Variants in STOX2 observed in about 807,000 individuals in gnomAD.
STOX2 encodes the protein storkhead-box protein 2.
In STOX2, 28 loss-of-function variants were observed where a neutral mutation model predicts 60.9. The ratio of observed to expected loss-of-function variants is 0.46; its 90% confidence interval spans 0.34 to 0.63. The LOEUF (loss-of-function observed/expected upper bound fraction) is 0.63. Ranked by LOEUF, STOX2 falls within the 30% of genes least tolerant of loss-of-function variation. STOX2 has a pLI of 0.01. For missense variants in STOX2, 1,024 were observed against 1,187.7 expected, an observed-to-expected ratio of 0.86 and a Z score of 2.03; for synonymous variants, 472 against 463.9, an observed-to-expected ratio of 1.02 and a Z score of -0.22.
At chr4:183,955,209 C>T (rs997137228) in intron 1 of STOX2, among the ~76,000 whole-genome samples, 2 of 152,176 alleles carry the variant, frequency 1.3e-5, no homozygotes, top group Non-Finnish European at 2.9e-5. Flanking sequence ...TCCGCATGTA[C>T]AAGAACTTAC....
intron 1 of STOX2, among the ~76,000 whole-genome samples, chr4:183,993,080 G>A (rs1424232349): frequency 6.6e-6 from 1 of 152,242 alleles, no homozygotes; most frequent in African/African-American, 2.4e-5. Flanking sequence ...ACCTCTGGCG[G>A]TGGGGAAGGT....
rs886505387 is a variant in STOX2, at chr4:183,849,242, G to A, written c.364+51187G>A. On this transcript the variant is annotated intron_variant, in intron 1 of 2. Transcript: ENST00000513034. ...TATTTAGGGTTGGAGGCAGGCTGGAGTTGGGGAATTAGGAGCTCTTTGACT... is the reference window on the plus strand; with the variant it reads ...TATTTAGGGTTGGAGGCAGGCTGGAATTGGGGAATTAGGAGCTCTTTGACT... 3.9e-5 allele frequency among the ~76,000 whole-genome samples: 6 copies of A among 152,206 alleles called. 1 individual carries two copies. Among genetic ancestry groups the A allele is most frequent in the Non-Finnish European group, 8.8e-5 (6 of 68,036 alleles).
chr4:183,828,900 A>G (rs956112466), intron 1 of STOX2, among the ~76,000 whole-genome samples: 1 of 152,194 alleles, frequency 6.6e-6, no homozygotes, highest in African/African-American at 2.4e-5. Context: ...GGTACCTTGT[A>G]AAAAACCTAC....
chr4:183,941,891 C>G (rs772450274), intron 1 of STOX2, among the ~76,000 whole-genome samples: 3 of 152,126 alleles, frequency 2.0e-5, no homozygotes, highest in Non-Finnish European at 2.9e-5. Context: ...TAATGATTCT[C>G]TTATTGACAT....
Position 184,017,165 on chromosome 4 carries a change from G to T in STOX2, c.2662G>T (p.Ala888Ser). The change falls in exon 4 of 4, where the codon GCC (alanine) becomes TCC (serine). Residue 888 changes from alanine to serine, a missense_variant. By Grantham distance (99) the Ala-to-Ser change is moderately conservative (BLOSUM62 1). Transcript: ENST00000308497. ...NRRQNPALSP[A>S]HGGAGPAFNF... is the part of the protein sequence containing the mutation. ...TCGTCAGAACCCCGCTTTGAGCCCGGCCCATGGTGGAGCTGGTCCAGCCTT... is the reference window on the plus strand; with the variant it reads ...TCGTCAGAACCCCGCTTTGAGCCCGTCCCATGGTGGAGCTGGTCCAGCCTT... The T allele has an allele frequency of 6.2e-7, 1 of 1,613,676 alleles. No individual in the cohort carries two copies. Among genetic ancestry groups the T allele is most frequent in the Non-Finnish European group, 8.5e-7 (1 of 1,179,766 alleles).
intron 1 of STOX2, among the ~76,000 whole-genome samples, chr4:183,837,325 C>A (rs7688581): frequency 0.016 from 2,465 of 152,246 alleles, 55 homozygotes; most frequent in African/African-American, 0.056. Context: ...GAACTCCCAT[C>A]CCCTGGCACC....
chr4:183,896,264 G>A (rs765513638), intron 1 of STOX2, among the ~76,000 whole-genome samples: 2 of 152,210 alleles, frequency 1.3e-5, no homozygotes, highest in Non-Finnish European at 2.9e-5. Flanking sequence ...AAATGTGTCT[G>A]GTGGCAGTGA....
chr4:184,006,400 G>C (rs568896818), intron 2 of STOX2, among the ~76,000 whole-genome samples: 3 of 152,166 alleles, frequency 2.0e-5, no homozygotes, highest in Admixed American at 1.3e-4. Context: ...GCAGAGGTGT[G>C]CCCTCATCTC....
intron 1 of STOX2, among the ~76,000 whole-genome samples, chr4:183,886,356 G>A (rs200022792): frequency 1.3e-5 from 2 of 150,942 alleles, no homozygotes; most frequent in East Asian, 2.0e-4. Flanking sequence ...AAAGGGGGGG[G>A]AATGAGGAAA....
At chr4:183,910,982 T>A (rs1741762233) in intron 1 of STOX2, among the ~76,000 whole-genome samples, 1 of 152,170 alleles carries the variant, frequency 6.6e-6, no homozygotes, top group Non-Finnish European at 1.5e-5. Flanking sequence ...GGATGGACAC[T>A]GGAGGTTCCA....
At chr4:183,911,320 A>G (rs903508582) in intron 1 of STOX2, among the ~76,000 whole-genome samples, 6 of 152,186 alleles carry the variant, frequency 3.9e-5, no homozygotes, top group Admixed American at 1.3e-4. Context: ...TGAGGGGGGA[A>G]GAAATAAATG....
intron 1 of STOX2, among the ~76,000 whole-genome samples, chr4:183,896,792 G>A (rs1020124576): frequency 6.6e-6 from 1 of 152,200 alleles, no homozygotes; most frequent in South Asian, 2.1e-4. Flanking sequence ...CTGATTAATT[G>A]TGACAAAATA....
At chr4:183,828,372 A>G (rs1014847947) in intron 1 of STOX2, among the ~76,000 whole-genome samples, 4 of 152,120 alleles carry the variant, frequency 2.6e-5, no homozygotes, top group African/African-American at 9.7e-5. Context: ...GGAAAAGAGG[A>G]TGGGTGTGGC....
intron 1 of STOX2, among the ~76,000 whole-genome samples, chr4:183,861,739 T>C (rs776762042): frequency 6.6e-6 from 1 of 152,198 alleles, no homozygotes; most frequent in Non-Finnish European, 1.5e-5. Flanking sequence ...GTAGGGCTCA[T>C]TGTGGGTCCT....
intron 1 of STOX2, among the ~76,000 whole-genome samples, chr4:183,927,524 T>C (rs1040752956): frequency 6.6e-6 from 1 of 151,428 alleles, no homozygotes; most frequent in African/African-American, 2.4e-5. Context: ...TTTTTTGAGG[T>C]GGGAAAGACT....
intron 1 of STOX2, among the ~76,000 whole-genome samples, chr4:183,870,370 G>A (rs963986577): frequency 3.9e-5 from 6 of 152,152 alleles, no homozygotes; most frequent in African/African-American, 9.7e-5. Flanking sequence ...TTTCTAGGTC[G>A]TCAAATACAG....
At chr4:183,850,608 A>G (rs1378984289) in intron 1 of STOX2, among the ~76,000 whole-genome samples, 2 of 152,090 alleles carry the variant, frequency 1.3e-5, no homozygotes, top group Non-Finnish European at 1.5e-5. Flanking sequence ...AGGTGCCTGT[A>G]ATCCCAGTTA....
At chr4:183,805,500 G>C (rs1353811959) in intron 1 of STOX2, among the ~76,000 whole-genome samples, 1 of 152,152 alleles carries the variant, frequency 6.6e-6, no homozygotes, top group Non-Finnish European at 1.5e-5. Context: ...TCTGTCAAGA[G>C]CTTTTAATCC....
At position 184,011,163 on chromosome 4, in the gene STOX2, C is replaced by T. The variant is rs147556350; in HGVS notation, c.2325C>T (p.Asn775=). 4,431 of 1,582,012 alleles carry T rather than the reference C, an allele frequency of 2.8e-3. 10 individuals are homozygous for T. The highest frequency in any genetic ancestry group is 3.5e-3 in the South Asian group (301 of 85,128). The change falls in exon 3 of 4, where the codon AAC becomes AAT. Residue 775 remains asparagine (N), a synonymous_variant. Coordinates refer to ENST00000308497, the MANE Select transcript of STOX2 (RefSeq NM_020225.3). The surrounding 1 kb of genome is among the most constrained non-coding windows in gnomAD (Gnocchi z 4.4). The stretch of plus-strand genomic sequence containing the variant: ...AGGAAGCCTCTTTTGACTATTACAA[C>T]GTCTCTGATGATGACGACTCTGAGG... The part of the protein sequence containing the change: ...GNQEASFDYY[N]VSDDDDSEEG...
Sources: gnomAD v4.1 joint callset for allele counts (sites outside exome capture counted in the v4.1 genomes callset) on GRCh38, gnomAD v4.1.1 for gene constraint, Gnocchi (gnomAD v3.1) non-coding constraint, MANE v1.5 for transcripts, NCBI Gene and HGNC (gene_info 2026-07-23, HGNC 2026-07-21) for gene names.